The following GABRB1 variants were observed in gnomAD, a reference collection of about 807,000 sequenced individuals.
The protein encoded by GABRB1 is gamma-aminobutyric acid type A receptor subunit beta1, also known as gamma-aminobutyric acid receptor subunit beta-1.
A neutral mutation model predicts 51.6 loss-of-function variants in GABRB1; 17 were observed. The ratio of observed to expected loss-of-function variants is 0.33; its 90% confidence interval spans 0.23 to 0.49. The LOEUF (loss-of-function observed/expected upper bound fraction) is 0.49. Ranked by LOEUF, GABRB1 falls within the 20% of genes least tolerant of loss-of-function variation. The pLI, the probability that GABRB1 is intolerant of heterozygous loss-of-function variation, is 0.99. For missense variants in GABRB1, 410 were observed against 600.6 expected, an observed-to-expected ratio of 0.68 and a Z score of 3.32; for synonymous variants, 247 against 218.9, an observed-to-expected ratio of 1.13 and a Z score of -1.14.
chr4:47,013,395 G>T (rs1222029333), intron 1 of GABRB1, among the ~76,000 whole-genome samples: 1 of 152,112 alleles, frequency 6.6e-6, no homozygotes, highest in African/African-American at 2.4e-5. Flanking sequence ...CCTGACCTCA[G>T]GTGATCCACC....
chr4:47,311,684 T>C (rs1724692774), intron 4 of GABRB1, among the ~76,000 whole-genome samples: 2 of 152,082 alleles, frequency 1.3e-5, no homozygotes, highest in South Asian at 4.1e-4. Flanking sequence ...GCGAATAAAT[T>C]TGTGTTGTTT....
intron 4 of GABRB1, among the ~76,000 whole-genome samples, chr4:47,239,293 G>T (rs1721438215): frequency 6.6e-6 from 1 of 152,092 alleles, no homozygotes; most frequent in South Asian, 2.1e-4. Context: ...TGAATCAGTT[G>T]TTCATTTATA....
intron 3 of GABRB1, among the ~76,000 whole-genome samples, chr4:47,044,888 T>G (rs963352920): frequency 2.0e-5 from 3 of 152,066 alleles, no homozygotes; most frequent in Admixed American, 6.6e-5. Flanking sequence ...AATTTTATCT[T>G]GTTTCTTACT....
intron 4 of GABRB1, among the ~76,000 whole-genome samples, chr4:47,247,432 A>G (rs1721808659): frequency 2.0e-5 from 3 of 152,232 alleles, no homozygotes; most frequent in African/African-American, 7.2e-5. Context: ...GCCTTACAGT[A>G]TAGTTTGAAA....
intron 3 of GABRB1, among the ~76,000 whole-genome samples, chr4:47,041,757 T>C (rs1321113598): frequency 6.6e-6 from 1 of 152,150 alleles, no homozygotes; most frequent in Admixed American, 6.5e-5. Flanking sequence ...AATAGCTTTG[T>C]TGTCTCCATG....
intron 4 of GABRB1, among the ~76,000 whole-genome samples, chr4:47,290,993 G>T (rs185855174): frequency 1.3e-5 from 2 of 152,204 alleles, no homozygotes; most frequent in Non-Finnish European, 2.9e-5. Context: ...AAGTAAGGAG[G>T]AGCCCAATGT....
intron 1 of GABRB1, among the ~76,000 whole-genome samples, chr4:47,023,844 G>C (rs1475469353): frequency 6.6e-6 from 1 of 151,610 alleles, no homozygotes; most frequent in Non-Finnish European, 1.5e-5. Flanking sequence ...ATTGAGTAAG[G>C]GTGTAAACTA....
At chr4:47,406,351 T>C (rs1265681019) in intron 7 of GABRB1, among the ~76,000 whole-genome samples, 1 of 152,234 alleles carries the variant, frequency 6.6e-6, no homozygotes, top group African/African-American at 2.4e-5. Flanking sequence ...TGTGGTCATG[T>C]AACAAAGTGA....
chr4:47,325,662 G>A (rs562223371), intron 5 of GABRB1, among the ~76,000 whole-genome samples: 153 of 152,126 alleles, frequency 1.0e-3, no homozygotes, highest in African/African-American at 3.3e-3. Flanking sequence ...TAACTTTCTC[G>A]TTTCTTCTGG....
intron 5 of GABRB1, among the ~76,000 whole-genome samples, chr4:47,331,878 G>C (rs974600181): frequency 6.6e-6 from 1 of 152,182 alleles, no homozygotes; most frequent in Non-Finnish European, 1.5e-5. Flanking sequence ...AGGTTTGAAT[G>C]AGATTTGAAC....
intron 4 of GABRB1, among the ~76,000 whole-genome samples, chr4:47,282,316 T>C (rs772556432): frequency 2.0e-5 from 3 of 152,218 alleles, no homozygotes; most frequent in African/African-American, 4.8e-5. Context: ...AACACAGCTC[T>C]CTCTGTTATA....
chr4:47,133,034 C>G (rs889262566), intron 3 of GABRB1, among the ~76,000 whole-genome samples: 1 of 152,148 alleles, frequency 6.6e-6, no homozygotes, highest in Non-Finnish European at 1.5e-5. Context: ...CACTCTGTAT[C>G]TATTCTACTA....
rs974452156 is a variant in GABRB1 at position 47,335,239 on chromosome 4, C to T, written c.544+15030C>T. On this transcript the variant is annotated intron_variant, in intron 5 of 8. Coordinates refer to ENST00000295454, the MANE Select transcript of GABRB1 (RefSeq NM_000812.4). ...AGTAACGATAGGTTCTCACGGGTCA[C>T]CTGCATTCACTCAGTATCCAGTTAT... is the stretch of plus-strand genomic sequence containing the variant. 2.6e-5 allele frequency among the ~76,000 whole-genome samples: 4 copies of T among 152,040 alleles called. No homozygotes were observed. In the South Asian group the frequency reaches 8.3e-4, roughly 32 times the overall value.
intron 3 of GABRB1, among the ~76,000 whole-genome samples, chr4:47,064,641 C>CAAAAAAAAAAAAAAAA (rs33963952): frequency 1.7e-5 from 1 of 58,230 alleles, no homozygotes; most frequent in Non-Finnish European, 3.1e-5. Context: ...GACTCCATCT[C>CAAAAAAAAAAAAAAAA]AAAAAAAAAA....
chr4:47,269,745 T>C (rs902120205), intron 4 of GABRB1, among the ~76,000 whole-genome samples: 5 of 152,146 alleles, frequency 3.3e-5, no homozygotes, highest in Admixed American at 1.3e-4. Context: ...ACTATGTACA[T>C]GTATTAACTC....
At chr4:47,331,413 TAA>T (rs1560336971) in intron 5 of GABRB1, among the ~76,000 whole-genome samples, 1 of 152,164 alleles carries the variant, frequency 6.6e-6, no homozygotes, top group Non-Finnish European at 1.5e-5. Context: ...AACTTGACTA[TAA>T]AGTTAGCCTC....
chr4:47,244,757 C>A (rs552210532), intron 4 of GABRB1, among the ~76,000 whole-genome samples: 1 of 152,020 alleles, frequency 6.6e-6, no homozygotes, highest in Non-Finnish European at 1.5e-5. Flanking sequence ...GGGTAAATGA[C>A]GAAATGAAGG....
intron 3 of GABRB1, among the ~76,000 whole-genome samples, chr4:47,110,833 A>G (rs1715184281): frequency 6.6e-6 from 1 of 152,198 alleles, no homozygotes; most frequent in East Asian, 1.9e-4. Context: ...AAAATGTGAA[A>G]GTATGTGAGT....
chr4:47,127,120 T>A (rs1364766156), intron 3 of GABRB1, among the ~76,000 whole-genome samples: 1 of 151,792 alleles, frequency 6.6e-6, no homozygotes, highest in Non-Finnish European at 1.5e-5. Context: ...CCTATTTAAA[T>A]CCCTCCTTAT....
Sources: gnomAD v4.1 joint callset for allele counts (sites outside exome capture counted in the v4.1 genomes callset) on GRCh38, gnomAD v4.1.1 for gene constraint, MANE v1.5 for transcripts, NCBI Gene and HGNC (gene_info 2026-07-23, HGNC 2026-07-21) for gene names.